The following CABLES1 variants were observed in gnomAD, a reference collection of about 807,000 sequenced individuals.
The protein encoded by CABLES1 is Cdk5 and Abl enzyme substrate 1.
In CABLES1, 36 loss-of-function variants were observed where a neutral mutation model predicts 57.8. That is an observed-to-expected ratio of 0.62 (90% CI 0.48 to 0.82). CABLES1 has a LOEUF of 0.82. CABLES1 is among the 40% of genes least tolerant of loss of function. The probability of loss-of-function intolerance (pLI) is 0.00; values close to 1 mark genes in which losing one functional copy is unlikely to be tolerated. For missense variants in CABLES1, 767 were observed against 836.6 expected, an observed-to-expected ratio of 0.92 and a Z score of 1.03; for synonymous variants, 374 against 363.0, an observed-to-expected ratio of 1.03 and a Z score of -0.35.
intron 1 of CABLES1, among the ~76,000 whole-genome samples, chr18:23,150,185 A>G (rs1415243880): frequency 1.4e-5 from 2 of 144,632 alleles, no homozygotes; most frequent in African/African-American, 5.2e-5. Context: ...CCTCTATTTT[A>G]AGGTCATAGT....
At chr18:23,246,427 T>G (rs1163035905) in intron 7 of CABLES1, among the ~76,000 whole-genome samples, 3 of 152,096 alleles carry the variant, frequency 2.0e-5, no homozygotes, top group African/African-American at 7.2e-5. Flanking sequence ...AGTCTTGCTC[T>G]GTCGCCCAGG....
intron 7 of CABLES1, among the ~76,000 whole-genome samples, chr18:23,244,055 C>G (rs1232063212): frequency 6.6e-6 from 1 of 152,184 alleles, no homozygotes; most frequent in Non-Finnish European, 1.5e-5. Context: ...TTTTGACAAT[C>G]ACTTCGTGAT....
intron 1 of CABLES1, among the ~76,000 whole-genome samples, chr18:23,153,982 A>C (rs543712870): frequency 3.9e-4 from 60 of 152,226 alleles, no homozygotes; most frequent in African/African-American, 1.3e-3. Context: ...AGTGACCCGA[A>C]GTCACACCAC....
At chr18:23,227,261 T>G (rs868549432) in intron 4 of CABLES1, among the ~76,000 whole-genome samples, 34 of 152,134 alleles carry the variant, frequency 2.2e-4, no homozygotes. Flanking sequence ...CCCCACCCAC[T>G]TTCCCCAGAA....
At position 23,135,717 on chromosome 18, in the gene CABLES1, G is replaced by T; in HGVS notation, c.-46G>T. ...GCCCGCCGCTTAGCGCTCGGGCGCC[G>T]CTCGCTTCTCCGGGCATCGCGGAAA... On this transcript the variant is annotated 5_prime_UTR_variant, in exon 1 of 10. Transcript: ENST00000256925. The T allele has an allele frequency of 8.1e-6, 8 of 985,376 alleles. No homozygotes were observed. The highest frequency in any genetic ancestry group is 9.6e-6 in the Non-Finnish European group (8 of 831,394). 61.0% of individuals were successfully genotyped at this position (985,376 alleles called of 1,614,324 possible). A position where few individuals can be genotyped will look rare whatever the true frequency, so the allele number is the denominator to read the frequency against.
intron 3 of CABLES1, among the ~76,000 whole-genome samples, chr18:23,206,422 A>G (rs911886470): frequency 1.3e-5 from 2 of 152,248 alleles, no homozygotes; most frequent in South Asian, 4.1e-4. Flanking sequence ...GGAAATACCC[A>G]CAGAAATCTC....
intron 1 of CABLES1, among the ~76,000 whole-genome samples, chr18:23,177,034 T>G (rs1198547030): frequency 6.6e-6 from 1 of 152,134 alleles, no homozygotes; most frequent in Non-Finnish European, 1.5e-5. Flanking sequence ...AGTGTGTCCC[T>G]CCAGCAAGGT....
Position 23,253,001 on chromosome 18 carries a change from G to A in CABLES1, c.1488G>A (p.Lys496=). The A allele has an allele frequency of 6.2e-7, 1 of 1,613,866 alleles. No homozygotes were observed. Among genetic ancestry groups the A allele is most frequent in the Non-Finnish European group, 8.5e-7 (1 of 1,179,784 alleles). The change falls in exon 8 of 10, where the codon AAG becomes AAA. Residue 496 remains lysine, a synonymous_variant. Coordinates refer to ENST00000256925, the MANE Select transcript of CABLES1 (RefSeq NM_001100619.3). ...IDYVKPSDLK[K]DMNETFKEKF... ...ACGTGAAGCCCTCGGATCTCAAGAA[G>A]GACATGAACGAGACCTTCAAGGAGA... is the stretch of plus-strand genomic sequence containing the variant.
chr18:23,243,435 G>A (rs1220549307), intron 7 of CABLES1, among the ~76,000 whole-genome samples: 2 of 151,538 alleles, frequency 1.3e-5, no homozygotes, highest in Admixed American at 6.6e-5. Flanking sequence ...TGCTGTGTGG[G>A]GGAGGGAGGG....
chr18:23,216,308 T>TG (rs1368074002), intron 4 of CABLES1, among the ~76,000 whole-genome samples: 2 of 152,222 alleles, frequency 1.3e-5, no homozygotes, highest in Non-Finnish European at 2.9e-5. Flanking sequence ...TGGGCCAGAA[T>TG]GGGGGTTTAA....
intron 7 of CABLES1, among the ~76,000 whole-genome samples, chr18:23,243,539 A>G (rs987492831): frequency 3.4e-5 from 5 of 148,632 alleles, no homozygotes; most frequent in Admixed American, 6.7e-5. Flanking sequence ...ACACCATACA[A>G]TTCACCTCTT....
At chr18:23,134,582 A>G (rs1206147908), upstream of CABLES1, 1 of 152,224 alleles carries the variant, frequency 6.6e-6, no homozygotes, top group Non-Finnish European at 1.5e-5. Context: ...GAGATAAACG[A>G]CAGGGTAACT....
At chr18:23,172,969 T>C (rs2047093749) in intron 1 of CABLES1, among the ~76,000 whole-genome samples, 1 of 152,178 alleles carries the variant, frequency 6.6e-6, no homozygotes, top group African/African-American at 2.4e-5. Flanking sequence ...ATCAGGCTTT[T>C]TAAAAGGGAG....
intron 3 of CABLES1, among the ~76,000 whole-genome samples, chr18:23,207,764 G>A (rs1044409157): frequency 5.3e-5 from 8 of 152,150 alleles, no homozygotes; most frequent in African/African-American, 1.9e-4. Flanking sequence ...CTAGGTTGTA[G>A]GATAAGGTGT....
chr18:23,163,092 G>A (rs2047015992), intron 1 of CABLES1, among the ~76,000 whole-genome samples: 1 of 152,114 alleles, frequency 6.6e-6, no homozygotes, highest in African/African-American at 2.4e-5. Context: ...GTGTTGTGGG[G>A]TGCAGGGTGG....
intron 1 of CABLES1, among the ~76,000 whole-genome samples, chr18:23,161,754 C>CAAAAAAAAA (rs1184010487): frequency 0.011 from 345 of 30,906 alleles, 27 homozygotes; most frequent in Non-Finnish European, 0.019. Context: ...ACTAAAAATC[C>CAAAAAAAAA]AAAAAAAAAA....
chr18:23,200,411 C>T (rs1015154011), intron 3 of CABLES1, among the ~76,000 whole-genome samples: 2 of 152,138 alleles, frequency 1.3e-5, no homozygotes, highest in Admixed American at 1.3e-4. Flanking sequence ...AGGCACCCGC[C>T]ACCATGCCCA....
chr18:23,155,829 AT>A, intron 1 of CABLES1: 1 of 1,609,012 alleles, frequency 6.2e-7, no homozygotes, highest in Non-Finnish European at 8.5e-7. Context: ...CCTCCAGGCC[AT>A]TTTTCTTCCT....
At chr18:23,230,551 G>A (rs1052270521) in intron 4 of CABLES1, among the ~76,000 whole-genome samples, 5 of 152,290 alleles carry the variant, frequency 3.3e-5, no homozygotes, top group African/African-American at 7.2e-5. Context: ...GAGGAAAAGC[G>A]TGGAAAAGTT....
Sources: gnomAD v4.1 joint callset for allele counts (sites outside exome capture counted in the v4.1 genomes callset) on GRCh38, gnomAD v4.1.1 for gene constraint, MANE v1.5 for transcripts, NCBI Gene and HGNC (gene_info 2026-07-23, HGNC 2026-07-21) for gene names.